The following GABRA2 variants were observed in gnomAD, a reference collection of about 807,000 sequenced individuals.
GABRA2 encodes the protein gamma-aminobutyric acid receptor subunit alpha-2.
A neutral mutation model predicts 48.7 loss-of-function variants in GABRA2; 16 were observed. The ratio of observed to expected loss-of-function variants is 0.33; its 90% CI spans 0.22 to 0.50. The LOEUF is 0.50. Ranked by LOEUF, GABRA2 falls within the 20% of genes least tolerant of loss-of-function variation. GABRA2 has a pLI of 0.98. For synonymous variants in GABRA2, 185 were observed against 184.5 expected, an observed-to-expected ratio of 1.00 and a Z score of -0.02; for missense variants, 275 against 535.6, an observed-to-expected ratio of 0.51 and a Z score of 4.80.
rs889245895 is a variant in GABRA2, at chr4:46,350,489, T to TTA, written c.188-17808_188-17807insTA. ...TCTATATCATACATCATACATATAT[T>TTA]TGTATATATATACACATACATACAT... On this transcript the variant is annotated intron_variant, in intron 3 of 9. Coordinates refer to ENST00000381620, the MANE Select transcript of GABRA2 (RefSeq NM_000807.4). Among the ~76,000 whole-genome samples the TTA allele has an allele frequency of 2.1e-4, 32 of 151,792 alleles. 1 individual carries two copies. Among genetic ancestry groups the TTA allele is most frequent in the Middle Eastern group, 3.4e-3 (1 of 292 alleles).
At chr4:46,256,459 A>T (rs1008541001) in intron 9 of GABRA2, 3 of 400,614 alleles carry the variant, frequency 7.5e-6, no homozygotes, top group Non-Finnish European at 1.3e-5. Flanking sequence ...AGCTTCCCCT[A>T]ATTAAAAAAA....
chr4:46,376,155 A>G (rs1261339104), intron 3 of GABRA2, among the ~76,000 whole-genome samples: 1 of 152,202 alleles, frequency 6.6e-6, no homozygotes, highest in Non-Finnish European at 1.5e-5. Flanking sequence ...CTTTCAATAC[A>G]CATTTTAAGG....
At position 46,389,802 on chromosome 4, in the gene GABRA2, G is replaced by GGGGAGAGAGAGAGAGAGAGA. The variant is rs1553928580; in HGVS notation, c.-79_-78insTCTCTCTCTCTCTCTCTCCC. 10 of 268,270 alleles carry GGGGAGAGAGAGAGAGAGAGA rather than the reference G, an allele frequency of 3.7e-5. 1 individual carries two copies. The highest frequency in any genetic ancestry group is 4.6e-4 in the Admixed American group (1 of 2,182). 16.6% of individuals were successfully genotyped at this position (268,270 alleles called of 1,614,324 possible). A position where few individuals can be genotyped will look rare whatever the true frequency, so the allele number is the denominator to read the frequency against. The stretch of plus-strand genomic sequence containing the variant: ...TGATCTTGACGAGATAGGAAACTTG[G>GGGGAGAGAGAGAGAGAGAGA]GAGAGAGAGAGAGAGAGAGAGAGAG... On this transcript the variant is annotated 5_prime_UTR_variant, in exon 1 of 10. Transcript: ENST00000381620.
intron 8 of GABRA2, among the ~76,000 whole-genome samples, chr4:46,291,768 A>AACAC (rs1309654384): frequency 6.3e-5 from 8 of 126,684 alleles, no homozygotes; most frequent in African/African-American, 2.2e-4. Context: ...ACTATTAATA[A>AACAC]ACACACACAT....
intron 8 of GABRA2, among the ~76,000 whole-genome samples, chr4:46,273,770 A>G (rs1206959288): frequency 6.6e-6 from 1 of 151,950 alleles, no homozygotes; most frequent in Non-Finnish European, 1.5e-5. Flanking sequence ...TATCTCTGCC[A>G]TATTTAAGGT....
At chr4:46,362,329 T>C (rs1713338456) in intron 3 of GABRA2, among the ~76,000 whole-genome samples, 1 of 152,156 alleles carries the variant, frequency 6.6e-6, no homozygotes, top group Non-Finnish European at 1.5e-5. Context: ...CCTGCTGCCA[T>C]CCATGTAAGA....
At chr4:46,325,156 A>G (rs547709762) in intron 4 of GABRA2, among the ~76,000 whole-genome samples, 7 of 152,062 alleles carry the variant, frequency 4.6e-5, no homozygotes, top group African/African-American at 1.4e-4. Context: ...GTTCTTTCTG[A>G]AATCTCCAAA....
intron 8 of GABRA2, among the ~76,000 whole-genome samples, chr4:46,291,443 G>T (rs918799045): frequency 6.6e-6 from 1 of 152,126 alleles, no homozygotes; most frequent in African/African-American, 2.4e-5. Flanking sequence ...GATCCTGGGT[G>T]CGTCTGTGAG....
chr4:46,300,417 T>C (rs1306991374), intron 8 of GABRA2, among the ~76,000 whole-genome samples: 1 of 151,990 alleles, frequency 6.6e-6, no homozygotes, highest in African/African-American at 2.4e-5. Flanking sequence ...TTCCTTTTTA[T>C]TCTGCAATTT....
At chr4:46,385,562 A>T (rs1717335272) in intron 3 of GABRA2, among the ~76,000 whole-genome samples, 6 of 152,108 alleles carry the variant, frequency 3.9e-5, no homozygotes, top group Non-Finnish European at 8.8e-5. Context: ...TTCAAGAATA[A>T]CAAAGTTGTG....
At chr4:46,330,856 T>G (rs936413694) in intron 4 of GABRA2, among the ~76,000 whole-genome samples, 4 of 152,038 alleles carry the variant, frequency 2.6e-5, no homozygotes, top group Non-Finnish European at 4.4e-5. Flanking sequence ...CTGACTCTAC[T>G]TGATTTTAGA....
intron 8 of GABRA2, among the ~76,000 whole-genome samples, chr4:46,293,111 C>A (rs999933644): frequency 1.3e-5 from 2 of 151,974 alleles, no homozygotes; most frequent in African/African-American, 4.8e-5. Flanking sequence ...ATCATGGTGA[C>A]TCTATAAGTG....
chr4:46,388,914 TTC>T, intron 1 of GABRA2, 198 bp from the exon 2 acceptor site: 1 of 1,220,446 alleles, frequency 8.2e-7, no homozygotes, highest in South Asian at 2.3e-5. Context: ...CCCTTTTCCT[TTC>T]TGTTTCTTTC....
chr4:46,385,508 C>T (rs1293078605), intron 3 of GABRA2, among the ~76,000 whole-genome samples: 1 of 152,014 alleles, frequency 6.6e-6, no homozygotes, highest in Non-Finnish European at 1.5e-5. Context: ...CAATCCAAAA[C>T]TTTAGACCTA....
chr4:46,342,486 T>C (rs1733408324), intron 3 of GABRA2, among the ~76,000 whole-genome samples: 1 of 152,074 alleles, frequency 6.6e-6, no homozygotes, highest in Non-Finnish European at 1.5e-5. Flanking sequence ...CAACACTTCA[T>C]AACCATAGCC....
intron 3 of GABRA2, among the ~76,000 whole-genome samples, chr4:46,380,767 G>A (rs2109353771): frequency 6.6e-6 from 1 of 152,182 alleles, no homozygotes; most frequent in East Asian, 1.9e-4. Flanking sequence ...TTAGGTTCTG[G>A]GAGAGATCAG....
At chr4:46,357,295 TG>T (rs1409940828) in intron 3 of GABRA2, among the ~76,000 whole-genome samples, 1 of 151,336 alleles carries the variant, frequency 6.6e-6, no homozygotes, top group Non-Finnish European at 1.5e-5. Flanking sequence ...CTGCTTTCTA[TG>T]TCTAGTTTTT....
chr4:46,316,548 TA>T (rs1728584474), intron 4 of GABRA2, among the ~76,000 whole-genome samples: 1 of 152,000 alleles, frequency 6.6e-6, no homozygotes, highest in South Asian at 2.1e-4. Context: ...ATCTTCAAAA[TA>T]ACAAGATATT....
chr4:46,351,886 T>G (rs1735182775), intron 3 of GABRA2, among the ~76,000 whole-genome samples: 1 of 152,038 alleles, frequency 6.6e-6, no homozygotes, highest in Non-Finnish European at 1.5e-5. Context: ...TTTCCTACCC[T>G]AAATTCAGTT....
Sources: allele counts gnomAD v4.1 joint callset (sites outside exome capture counted in the v4.1 genomes callset), GRCh38; gene constraint gnomAD v4.1.1; transcripts MANE v1.5; gene names NCBI Gene and HGNC (gene_info 2026-07-23, HGNC 2026-07-21).